Variants in ERCC6 observed in about 807,000 individuals in gnomAD.
The protein encoded by ERCC6 is ERCC excision repair 6, chromatin remodeling factor, also known as DNA excision repair protein ERCC-6.
In ERCC6, 116 loss-of-function variants were observed where a neutral mutation model predicts 158.7. The ratio of observed to expected loss-of-function variants is 0.73; its 90% CI spans 0.63 to 0.85. The LOEUF is 0.85. Ranked by LOEUF, ERCC6 falls within the 40% of genes least tolerant of loss-of-function variation. The probability of loss-of-function intolerance (pLI) is 0.00; values close to 1 mark genes in which losing one functional copy is unlikely to be tolerated. For missense variants in ERCC6, 1,698 were observed against 1,799.4 expected (o/e 0.94, Z 1.02); for synonymous variants, 678 against 659.3 (o/e 1.03, Z -0.43).
chr10:49,515,464 T>C, intron 5 of ERCC6: 3 of 1,614,190 alleles, frequency 1.9e-6, no homozygotes, highest in South Asian at 1.1e-5. Flanking sequence ...ACATGATTTA[T>C]GCCATCATAA....
At chr10:49,525,846 T>C (rs922372083) in intron 4 of ERCC6, among the ~76,000 whole-genome samples, 10 of 151,720 alleles carry the variant, frequency 6.6e-5, no homozygotes, top group Non-Finnish European at 1.2e-4. Context: ...ATGATGGACC[T>C]GGACTCCTAA....
intron 10 of ERCC6, 22 bp from the exon 11 acceptor site, chr10:49,478,492 G>T (rs752574208): frequency 2.9e-6 from 4 of 1,375,602 alleles, no homozygotes; most frequent in Non-Finnish European, 4.1e-6. Context: ...GCAGAGAAGG[G>T]AACATTACTA....
chr10:49,515,144 G>C (rs1836907907), intron 5 of ERCC6: 2 of 1,288,868 alleles, frequency 1.6e-6, no homozygotes, highest in Non-Finnish European at 2.0e-6. Context: ...ACAATTTTTT[G>C]AATTTTTGCA....
chr10:49,493,313 T>G, intron 7 of ERCC6, 61 bp from the exon 8 acceptor site: 1 of 1,599,200 alleles, frequency 6.3e-7, no homozygotes, highest in Non-Finnish European at 8.6e-7. Flanking sequence ...CATCAACTGC[T>G]CAAAAGATCC....
In ERCC6 at chr10:49,532,555, A is replaced by G. The variant is rs748403975; in HGVS notation, c.410T>C (p.Leu137Pro). ...GGGCTGCACTCACGTGAGGTCATCC[A>G]GGACCGACCGATACTCCTTCTCCAC... ...VDVEKEYRSVLDDLTSCTTSL... is the reference protein window; with the variant it reads ...VDVEKEYRSVPDDLTSCTTSL... The change falls in exon 2 of 21, where the codon CTG becomes CCG. Residue 137 changes from leucine to proline, a missense_variant. Coordinates refer to ENST00000355832, the MANE Select transcript of ERCC6 (RefSeq NM_000124.4). 2.5e-6 allele frequency: 4 copies of G among 1,613,966 alleles called. No individual in the cohort carries two copies. In the Admixed American group the frequency reaches 6.7e-5, roughly 27 times the overall value.
intron 2 of ERCC6, 39 bp from the exon 3 acceptor site, chr10:49,530,879 A>G: frequency 6.2e-7 from 1 of 1,607,468 alleles, no homozygotes. Context: ...GCACTCTGAT[A>G]ACATTTTTAT....
At position 49,537,508 on chromosome 10, in the gene ERCC6, TACAC is replaced by T. The variant is rs36057162; in HGVS notation, c.-15+1450_-15+1453del. ...AAAACTATATATATATATATACACATACACACACACACACACACACACACACAAA... is the reference window on the plus strand; with the variant it reads ...AAAACTATATATATATATATACACATACACACACACACACACACACACAAA... On this transcript the variant is annotated intron_variant, in intron 1 of 20. Transcript: ENST00000355832. Among the ~76,000 whole-genome samples the T allele has an allele frequency of 7.7e-3, 1,124 of 145,666 alleles. 16 individuals carry two copies. The highest frequency in any genetic ancestry group is 0.027 in the African/African-American group (1,050 of 39,492).
chr10:49,532,446 T>A, intron 2 of ERCC6, 97 bp downstream of exon 2: 2 of 1,573,736 alleles, frequency 1.3e-6, no homozygotes, highest in Non-Finnish European at 1.7e-6. Flanking sequence ...GTTCTACACA[T>A]CTCCTAAACT....
chr10:49,474,359 T>TAAC lies in ERCC6; in HGVS notation c.2383-118_2383-117insGTT, dbSNP rs1293614130. Reference sequence around the variant, plus strand: ...TAAAAAACAGTTCTCCACCAGCTTCTTAGTTTCTTCTCTAGTCACAGCATT... The same window carrying TAAC: ...TAAAAAACAGTTCTCCACCAGCTTCTAACTAGTTTCTTCTCTAGTCACAGCATT... On this transcript the variant is annotated intron_variant, in intron 12 of 20. Transcript: ENST00000355832. The TAAC allele has an allele frequency of 5.2e-6, 4 of 770,154 alleles. No individual in the cohort carries two copies. In the African/African-American group the frequency reaches 6.9e-5, roughly 13 times the overall value. 47.7% of individuals were successfully genotyped at this position (770,154 alleles called of 1,614,324 possible).
At chr10:49,535,913 C>G (rs1002926794) in intron 1 of ERCC6, among the ~76,000 whole-genome samples, 2 of 152,054 alleles carry the variant, frequency 1.3e-5, no homozygotes, top group Non-Finnish European at 2.9e-5. Flanking sequence ...CACCTGAGTT[C>G]GTGACCAGCC....
chr10:49,515,929 T>C (rs1180844618), intron 5 of ERCC6: 1 of 1,614,138 alleles, frequency 6.2e-7, no homozygotes. Flanking sequence ...AATGTGCCTC[T>C]TTCTTTTTTC....
intron 13 of ERCC6, 107 bp from the exon 14 acceptor site, chr10:49,473,694 A>G (rs978287051): frequency 2.5e-6 from 2 of 789,150 alleles, no homozygotes; most frequent in Non-Finnish European, 4.6e-6. Flanking sequence ...CCTATGTTAA[A>G]AGGAGTTTCT....
chr10:49,524,362 C>T lies in ERCC6; in HGVS notation c.1068G>A (p.Glu356=), dbSNP rs760845109. ...VGLPKARRPW[E]SDMRPEAEGD... ...CCTCTGCCTCTGGCCTCATGTCTGA[C>T]TCCCAAGGTCTCCTTGCCTTTGGCA... The change falls in exon 5 of 21, where the codon GAG becomes GAA. Residue 356 remains glutamate, a synonymous_variant. Coordinates refer to ENST00000355832, the MANE Select transcript of ERCC6 (RefSeq NM_000124.4). The T allele has an allele frequency of 1.2e-6, 2 of 1,614,206 alleles. No homozygotes were observed. Among genetic ancestry groups the T allele is most frequent in the Non-Finnish European group, 1.7e-6 (2 of 1,180,036 alleles).
At chr10:49,511,465 C>T (rs997563238) in intron 5 of ERCC6, among the ~76,000 whole-genome samples, 3 of 150,304 alleles carry the variant, frequency 2.0e-5, no homozygotes, top group East Asian at 3.9e-4. Flanking sequence ...CACTCTGTCA[C>T]GTCAGCTGGA....
chr10:49,518,493 AC>A (rs1329797997), intron 5 of ERCC6, among the ~76,000 whole-genome samples: 1 of 152,146 alleles, frequency 6.6e-6, no homozygotes, highest in Non-Finnish European at 1.5e-5. Context: ...AACAAGAAGA[AC>A]CACAAGAACC....
the ERCC6 span, among the ~76,000 whole-genome samples, chr10:49,439,682 A>G: frequency 2.0e-5 from 3 of 152,178 alleles, no homozygotes; most frequent in Non-Finnish European, 4.4e-5. Flanking sequence ...TCAGGCTGCA[A>G]ATTTTCCAAA....
At chr10:49,462,811 G>GT (rs757036326) in intron 18 of ERCC6, among the ~76,000 whole-genome samples, 26 of 152,318 alleles carry the variant, frequency 1.7e-4, no homozygotes, top group Non-Finnish European at 3.1e-4. Flanking sequence ...AATTAAAAGT[G>GT]TAACACCACA....
chr10:49,441,613 C>T, the ERCC6 span, among the ~76,000 whole-genome samples: 2 of 151,970 alleles, frequency 1.3e-5, no homozygotes, highest in African/African-American at 4.8e-5. Flanking sequence ...GCGTGCTGTC[C>T]CCCAGCCGCC....
chr10:49,515,911 G>A (rs768913965), intron 5 of ERCC6: 1 of 1,614,136 alleles, frequency 6.2e-7, no homozygotes, highest in Non-Finnish European at 8.5e-7. Flanking sequence ...CCATCAATTC[G>A]ATAATCAAAT....
Sources: allele counts gnomAD v4.1 joint callset (sites outside exome capture counted in the v4.1 genomes callset), GRCh38; gene constraint gnomAD v4.1.1; transcripts MANE v1.5; gene names NCBI Gene and HGNC (gene_info 2026-07-23, HGNC 2026-07-21).